CNTNAP5: variants seen among roughly 807,000 people sequenced by gnomAD.
CNTNAP5 encodes the protein contactin associated protein family member 5, also known as contactin-associated protein-like 5.
Under a neutral mutation model 150.2 loss-of-function variants are expected in CNTNAP5, and 72 were observed. That is an observed-to-expected ratio of 0.48 (90% CI 0.40 to 0.58). CNTNAP5 has a LOEUF of 0.58. Ranked by LOEUF, CNTNAP5 falls within the 20% of genes least tolerant of loss-of-function variation. The pLI, the probability that CNTNAP5 is intolerant of heterozygous loss-of-function variation, is 0.00. For missense variants in CNTNAP5, 1,636 were observed against 1,626.2 expected, an observed-to-expected ratio of 1.01 and a Z score of -0.10; for synonymous variants, 672 against 619.8, an observed-to-expected ratio of 1.08 and a Z score of -1.25.
chr2:124,859,251 T>C (rs1197739433), intron 19 of CNTNAP5, among the ~76,000 whole-genome samples: 2 of 152,008 alleles, frequency 1.3e-5, no homozygotes, highest in Admixed American at 6.6e-5. Flanking sequence ...GGGCAAAGGA[T>C]ATGAACAGAC....
intron 1 of CNTNAP5, among the ~76,000 whole-genome samples, chr2:124,047,316 A>T (rs1368052731): frequency 6.6e-6 from 1 of 152,272 alleles, no homozygotes; most frequent in Non-Finnish European, 1.5e-5. Flanking sequence ...ACAGTCTTCA[A>T]GTCAGAAGGT....
intron 1 of CNTNAP5, among the ~76,000 whole-genome samples, chr2:124,125,769 C>T (rs1248084987): frequency 6.6e-6 from 1 of 152,188 alleles, no homozygotes; most frequent in Non-Finnish European, 1.5e-5. Flanking sequence ...TCACTCAAAA[C>T]CGCTCAACTA....
At chr2:124,668,685 G>T (rs901531115) in intron 13 of CNTNAP5, among the ~76,000 whole-genome samples, 2 of 152,140 alleles carry the variant, frequency 1.3e-5, no homozygotes, top group Non-Finnish European at 2.9e-5. Context: ...TTATAAAAAG[G>T]TATACCATTA....
chr2:124,290,694 A>G (rs1442730640), intron 3 of CNTNAP5, among the ~76,000 whole-genome samples: 1 of 151,958 alleles, frequency 6.6e-6, no homozygotes, highest in Non-Finnish European at 1.5e-5. Context: ...TTCCATCTGC[A>G]ATTCACTCAG....
intron 10 of CNTNAP5, among the ~76,000 whole-genome samples, chr2:124,545,747 G>A (rs1695496981): frequency 6.6e-6 from 1 of 152,012 alleles, no homozygotes; most frequent in Admixed American, 6.6e-5. Context: ...GACTACAGAT[G>A]TTAACCCAGG....
At chr2:124,170,002 A>G (rs578130033) in intron 1 of CNTNAP5, among the ~76,000 whole-genome samples, 1 of 152,276 alleles carries the variant, frequency 6.6e-6, no homozygotes, top group South Asian at 2.1e-4. Context: ...CTCAGTATAG[A>G]CTGCACCTAC....
chr2:124,882,510 A>G (rs1677983886), intron 21 of CNTNAP5, among the ~76,000 whole-genome samples: 1 of 152,114 alleles, frequency 6.6e-6, no homozygotes, highest in African/African-American at 2.4e-5. Flanking sequence ...AAGTAAAACT[A>G]TGTGTAACCA....
chr2:124,240,562 A>C, intron 2 of CNTNAP5, among the ~76,000 whole-genome samples: 1 of 152,116 alleles, frequency 6.6e-6, no homozygotes, highest in African/African-American at 2.4e-5. Flanking sequence ...CTGCCACTGT[A>C]TTCATAAAAA....
chr2:124,461,297 A>T (rs541846331), intron 6 of CNTNAP5, among the ~76,000 whole-genome samples: 1 of 152,182 alleles, frequency 6.6e-6, no homozygotes, highest in African/African-American at 2.4e-5. Flanking sequence ...ACAATGATAG[A>T]CTGGATTAAG....
chr2:124,709,893 A>C (rs1679770446), intron 13 of CNTNAP5, among the ~76,000 whole-genome samples: 1 of 152,200 alleles, frequency 6.6e-6, no homozygotes, highest in South Asian at 2.1e-4. Flanking sequence ...ACTTTTCTTA[A>C]GAAAATAATA....
At chr2:124,222,535 A>G (rs1203956744) in intron 2 of CNTNAP5, among the ~76,000 whole-genome samples, 1 of 152,090 alleles carries the variant, frequency 6.6e-6, no homozygotes, top group East Asian at 1.9e-4. Context: ...CTTAATATCT[A>G]CTAAATATTA....
At chr2:124,907,411 G>T (rs1043262430) in intron 22 of CNTNAP5, among the ~76,000 whole-genome samples, 9 of 151,118 alleles carry the variant, frequency 6.0e-5, no homozygotes, top group South Asian at 2.1e-4. Context: ...ATATTTCATA[G>T]AGATAGATAC....
intron 1 of CNTNAP5, among the ~76,000 whole-genome samples, chr2:124,102,419 CAGA>C (rs1327525510): frequency 6.6e-6 from 1 of 152,142 alleles, no homozygotes; most frequent in Non-Finnish European, 1.5e-5. Context: ...AACACAGCGC[CAGA>C]AGTTCAGCGA....
intron 8 of CNTNAP5, among the ~76,000 whole-genome samples, chr2:124,517,329 G>GGTGTTGATGATGGAGGGTTATA: frequency 6.7e-6 from 1 of 149,608 alleles, no homozygotes; most frequent in South Asian, 2.2e-4. Flanking sequence ...GGAGGGTTGT[G>GGTGTTGATGATGGAGGGTTATA]GTGTTGATGA....
At chr2:124,338,839 T>A (rs974109120) in intron 3 of CNTNAP5, among the ~76,000 whole-genome samples, 4 of 152,130 alleles carry the variant, frequency 2.6e-5, no homozygotes, top group African/African-American at 9.7e-5. Flanking sequence ...GGGATATTTT[T>A]CACTGAGGTC....
rs77201344 is a variant in CNTNAP5, at chr2:124,905,839, T to A, written c.3655+2739T>A. ...GATAGTTTGAATAATGTGGGCAGGATCTGCGCTACAGGGGTGGTCTCTAGT... is the reference window on the plus strand; with the variant it reads ...GATAGTTTGAATAATGTGGGCAGGAACTGCGCTACAGGGGTGGTCTCTAGT... On this transcript the variant is annotated intron_variant, in intron 22 of 23. Transcript: ENST00000682447. Among the ~76,000 whole-genome samples, 1,412 of 152,226 alleles carry A rather than the reference T, an allele frequency of 9.3e-3. 23 individuals carry two copies. Among genetic ancestry groups the A allele is most frequent in the African/African-American group, 0.031 (1,309 of 41,558 alleles).
At chr2:124,814,236 G>A (rs74730400) in intron 19 of CNTNAP5, among the ~76,000 whole-genome samples, 154 of 148,894 alleles carry the variant, frequency 1.0e-3, no homozygotes, top group African/African-American at 3.6e-3. Flanking sequence ...ACCTTTGCTC[G>A]AATCCTCTTT....
At chr2:124,143,769 A>G (rs1408037886) in intron 1 of CNTNAP5, among the ~76,000 whole-genome samples, 1 of 133,824 alleles carries the variant, frequency 7.5e-6, no homozygotes, top group Admixed American at 8.0e-5. Flanking sequence ...CCTATTCAAC[A>G]TAGTGTTGGA....
At chr2:124,435,304 T>C (rs1692501373) in intron 5 of CNTNAP5, among the ~76,000 whole-genome samples, 1 of 152,038 alleles carries the variant, frequency 6.6e-6, no homozygotes, top group African/African-American at 2.4e-5. Flanking sequence ...CTGGCATCCA[T>C]CAGGGCCTGT....
Sources: gnomAD v4.1 joint callset for allele counts (sites outside exome capture counted in the v4.1 genomes callset) on GRCh38, gnomAD v4.1.1 for gene constraint, MANE v1.5 for transcripts, NCBI Gene and HGNC (gene_info 2026-07-23, HGNC 2026-07-21) for gene names.